Variants in MEGF11 observed in about 807,000 individuals in gnomAD.
MEGF11 encodes the protein multiple epidermal growth factor-like domains protein 11.
In MEGF11, 126 loss-of-function variants were observed where a neutral mutation model predicts 146.6. The observed-to-expected ratio is 0.86, with a 90% CI of 0.74 to 1.00. MEGF11 has a LOEUF of 1.00. MEGF11 is among the 50% of genes least tolerant of loss of function. The probability of loss-of-function intolerance (pLI) is 0.00; values close to 1 mark genes in which losing one functional copy is unlikely to be tolerated. For synonymous variants in MEGF11, 532 were observed against 583.4 expected (o/e 0.91, Z 1.27); for missense variants, 1,509 against 1,521.2 (o/e 0.99, Z 0.13).
chr15:66,219,500 C>T (rs541093018), intron 1 of MEGF11, among the ~76,000 whole-genome samples: 1 of 152,204 alleles, frequency 6.6e-6, no homozygotes, highest in African/African-American at 2.4e-5. Context: ...AAATTAAAAC[C>T]TCAATGAGAT....
intron 10 of MEGF11, among the ~76,000 whole-genome samples, chr15:65,941,085 C>T (rs1363395126): frequency 6.6e-6 from 1 of 152,164 alleles, no homozygotes; most frequent in East Asian, 1.9e-4. Flanking sequence ...GGAGCACAGA[C>T]ACCTTCCAAC....
chr15:66,244,762 T>C (rs917596218), intron 1 of MEGF11, among the ~76,000 whole-genome samples: 1 of 152,078 alleles, frequency 6.6e-6, no homozygotes, highest in African/African-American at 2.4e-5. Flanking sequence ...CTTTCCCCAG[T>C]TGAGGTGAAG....
At chr15:66,218,023 C>T (rs1445187118) in intron 1 of MEGF11, among the ~76,000 whole-genome samples, 2 of 152,196 alleles carry the variant, frequency 1.3e-5, no homozygotes, top group Non-Finnish European at 2.9e-5. Flanking sequence ...CCCCAGCATC[C>T]TTCTCAGAAA....
At chr15:66,227,511 G>A (rs1219959264) in intron 1 of MEGF11, among the ~76,000 whole-genome samples, 1 of 152,172 alleles carries the variant, frequency 6.6e-6, no homozygotes, top group African/African-American at 2.4e-5. Flanking sequence ...GGCCAAGTGG[G>A]AGAACTGAAC....
intron 5 of MEGF11, among the ~76,000 whole-genome samples, chr15:66,028,171 G>A (rs1041801317): frequency 6.6e-6 from 1 of 152,168 alleles, no homozygotes; most frequent in Non-Finnish European, 1.5e-5. Flanking sequence ...ATCCCTGTCT[G>A]TTCTGGACTG....
chr15:65,905,288 T>A (rs746677055), intron 24 of MEGF11: 3 of 152,188 alleles, frequency 2.0e-5, no homozygotes, highest in Non-Finnish European at 4.4e-5. Flanking sequence ...CATTGGTGAT[T>A]TTATTGGTTA....
chr15:66,227,558 T>C (rs1178395466), intron 1 of MEGF11, among the ~76,000 whole-genome samples: 1 of 152,128 alleles, frequency 6.6e-6, no homozygotes, highest in Non-Finnish European at 1.5e-5. Context: ...TTCTTTCCAC[T>C]TCTCTATGCC....
intron 20 of MEGF11, chr15:65,913,516 C>G: frequency 1.7e-6 from 1 of 594,802 alleles, no homozygotes; most frequent in South Asian, 2.1e-5. Context: ...GCAGGAGGCT[C>G]CCAACCACAG....
At chr15:66,006,638 G>A (rs1051743005) in intron 5 of MEGF11, among the ~76,000 whole-genome samples, 10 of 152,180 alleles carry the variant, frequency 6.6e-5, no homozygotes, top group Non-Finnish European at 1.3e-4. Context: ...TGGCATCCTC[G>A]ACAGGAAAAT....
chr15:65,984,637 G>A (rs1258125049), intron 5 of MEGF11, among the ~76,000 whole-genome samples: 6 of 151,188 alleles, frequency 4.0e-5, no homozygotes, highest in Non-Finnish European at 5.9e-5. Flanking sequence ...TCAGTGAGCA[G>A]AAGGACTAGC....
At chr15:66,230,897 A>C (rs1297232418) in intron 1 of MEGF11, among the ~76,000 whole-genome samples, 1 of 152,218 alleles carries the variant, frequency 6.6e-6, no homozygotes, top group Non-Finnish European at 1.5e-5. Context: ...GGCTCGTCCA[A>C]ATCACTCAGT....
At chr15:66,120,905 G>T (rs2087990384) in intron 3 of MEGF11, among the ~76,000 whole-genome samples, 1 of 152,104 alleles carries the variant, frequency 6.6e-6, no homozygotes, top group Admixed American at 6.5e-5. Flanking sequence ...CCACCCAATT[G>T]TTTCTAGCTC....
At chr15:66,218,941 T>C (rs1360668724) in intron 1 of MEGF11, among the ~76,000 whole-genome samples, 1 of 111,958 alleles carries the variant, frequency 8.9e-6, no homozygotes, top group Admixed American at 9.5e-5. Flanking sequence ...AGATAGCCTT[T>C]CCAATAAATG....
rs1422453870 is a variant in MEGF11 at position 66,183,132 on chromosome 15, A to T, written c.-8-54721T>A. Among the ~76,000 whole-genome samples the T allele has an allele frequency of 2.0e-5, 3 of 152,214 alleles. No homozygotes were observed. The East Asian group carries it at 5.8e-4, about 29-fold the overall frequency. On this transcript the variant is annotated intron_variant, in intron 1 of 25. Transcript: ENST00000395614. ...ACTACATATTTTACAATGATACACT[A>T]CTTGCATATTTTAGAACATATTCCA...
At chr15:66,011,323 C>T (rs2082705640) in intron 5 of MEGF11, among the ~76,000 whole-genome samples, 1 of 152,146 alleles carries the variant, frequency 6.6e-6, no homozygotes, top group South Asian at 2.1e-4. Context: ...GCCTGGCTCC[C>T]TTCCTGGGTA....
chr15:65,988,584 G>A (rs1322069321), intron 5 of MEGF11, among the ~76,000 whole-genome samples: 2 of 152,188 alleles, frequency 1.3e-5, no homozygotes, highest in African/African-American at 4.8e-5. Context: ...TGGGATATAA[G>A]TATCTTTTAG....
At chr15:66,048,202 T>C (rs958773636) in intron 5 of MEGF11, among the ~76,000 whole-genome samples, 1 of 152,138 alleles carries the variant, frequency 6.6e-6, no homozygotes, top group African/African-American at 2.4e-5. Context: ...CGCCTTGGCC[T>C]CCCAAAGTGC....
intron 1 of MEGF11, among the ~76,000 whole-genome samples, chr15:66,169,783 C>G (rs952362501): frequency 6.6e-6 from 1 of 152,200 alleles, no homozygotes; most frequent in Non-Finnish European, 1.5e-5. Flanking sequence ...AGACGGCCAG[C>G]GCTGCTGGGT....
intron 1 of MEGF11, among the ~76,000 whole-genome samples, chr15:66,213,578 A>C (rs1420412205): frequency 7.0e-6 from 1 of 142,718 alleles, no homozygotes; most frequent in Non-Finnish European, 1.5e-5. Flanking sequence ...TTCCATCCAG[A>C]AACTTTTTTT....
Sources: gnomAD v4.1 joint callset for allele counts (sites outside exome capture counted in the v4.1 genomes callset) on GRCh38, gnomAD v4.1.1 for gene constraint, MANE v1.5 for transcripts, NCBI Gene and HGNC (gene_info 2026-07-23, HGNC 2026-07-21) for gene names.